MID1: variants seen among roughly 807,000 people sequenced by gnomAD.
The protein encoded by MID1 is midline 1.
A neutral mutation model predicts 40.4 loss-of-function variants in MID1; 7 were observed. That is an observed-to-expected ratio of 0.17 (90% CI 0.10 to 0.33). The LOEUF is 0.33. MID1 is among the 10% of genes least tolerant of loss of function. MID1 has a pLI of 1.00. For synonymous variants in MID1, 229 were observed against 221.2 expected, an observed-to-expected ratio of 1.04 and a Z score of -0.31; for missense variants, 367 against 558.5, an observed-to-expected ratio of 0.66 and a Z score of 3.46.
chrX:10,575,194 G>A (rs1266117806), intron 1 of MID1, among the ~76,000 whole-genome samples: 1 of 112,085 alleles, frequency 8.9e-6, no homozygotes, highest in East Asian at 2.8e-4. Flanking sequence ...AGATTTAGTT[G>A]ACTATTGCTG....
At chrX:10,532,025 T>C (rs1045838349) in intron 2 of MID1, among the ~76,000 whole-genome samples, 1 of 112,662 alleles carries the variant, frequency 8.9e-6, no homozygotes, top group African/African-American at 3.2e-5. Flanking sequence ...AATAAGTCTA[T>C]AACTTTTATC....
chrX:10,677,976 T>C (rs749908688), intron 1 of MID1, among the ~76,000 whole-genome samples: 1 of 110,244 alleles, frequency 9.1e-6, no homozygotes, highest in South Asian at 3.9e-4. Context: ...TTTGCTGGAG[T>C]AATGGGAGTA....
chrX:10,588,915 A>C (rs1293512514), intron 1 of MID1, among the ~76,000 whole-genome samples: 1 of 111,565 alleles, frequency 9.0e-6, no homozygotes, highest in East Asian at 2.8e-4. Context: ...ATTTCACACA[A>C]AGTTTTAAGT....
chrX:10,456,550 A>G (rs1488154331), intron 8 of MID1, among the ~76,000 whole-genome samples: 1 of 112,784 alleles, frequency 8.9e-6, no homozygotes, highest in African/African-American at 3.2e-5. Context: ...ATCAAAGAAA[A>G]GCTTAGGCTG....
intron 1 of MID1, among the ~76,000 whole-genome samples, chrX:10,574,175 T>C (rs1934811654): frequency 8.9e-6 from 1 of 111,934 alleles, no homozygotes; most frequent in Non-Finnish European, 1.9e-5. Flanking sequence ...ATGGATCATC[T>C]AGGTGGACCC....
chrX:10,689,962 T>G (rs1172728798), intron 1 of MID1, among the ~76,000 whole-genome samples: 1 of 108,873 alleles, frequency 9.2e-6, no homozygotes. Context: ...GAAAATAACA[T>G]GTGTAAAAAC....
At chrX:10,676,575 T>C (rs1377142147) in intron 1 of MID1, among the ~76,000 whole-genome samples, 2 of 111,936 alleles carry the variant, frequency 1.8e-5, no homozygotes, top group Admixed American at 9.5e-5. Flanking sequence ...GAGGGGACTC[T>C]GAAAGCTGAA....
intron 1 of MID1, among the ~76,000 whole-genome samples, chrX:10,671,197 G>A (rs2042985241): frequency 8.9e-6 from 1 of 111,821 alleles, no homozygotes; most frequent in Non-Finnish European, 1.9e-5. Context: ...TGTACAGGTA[G>A]CTCTCATACT....
chrX:10,551,295 G>A (rs143836402), intron 2 of MID1, among the ~76,000 whole-genome samples: 2,379 of 112,250 alleles, frequency 0.021, 27 homozygotes, highest in Non-Finnish European at 0.034. Flanking sequence ...ACGGAGGGCC[G>A]ATTGTATATG....
chrX:10,567,718 G>T, intron 1 of MID1, 115 bp from the exon 2 acceptor site: 1 of 489,934 alleles, frequency 2.0e-6, no homozygotes, highest in Non-Finnish European at 3.5e-6. Context: ...GGGTAAGTGT[G>T]TGTACATTCC....
At chrX:10,599,265 C>T (rs1412436721) in intron 1 of MID1, among the ~76,000 whole-genome samples, 6 of 112,150 alleles carry the variant, frequency 5.3e-5, no homozygotes, top group Non-Finnish European at 1.1e-4. Context: ...AGCATCTTCT[C>T]CAAGTCAAGC....
intron 1 of MID1, among the ~76,000 whole-genome samples, chrX:10,809,934 A>C (rs1174305439): frequency 9.1e-6 from 1 of 109,723 alleles, no homozygotes; most frequent in Non-Finnish European, 1.9e-5. Context: ...AATAATAAAA[A>C]TAAAATAAAA....
intron 4 of MID1, among the ~76,000 whole-genome samples, chrX:10,484,151 G>A (rs942806642): frequency 8.9e-6 from 1 of 112,269 alleles, no homozygotes; most frequent in Non-Finnish European, 1.9e-5. Flanking sequence ...CAGGATATTA[G>A]AACATGTTCA....
At chrX:10,807,220 G>C (rs2044054501) in intron 1 of MID1, among the ~76,000 whole-genome samples, 1 of 110,881 alleles carries the variant, frequency 9.0e-6, no homozygotes, top group Non-Finnish European at 1.9e-5. Context: ...ACTCCAGCCT[G>C]GGTGACAGAG....
At chrX:10,462,690 T>C (rs1929121082) in intron 7 of MID1, among the ~76,000 whole-genome samples, 2 of 111,580 alleles carry the variant, frequency 1.8e-5, no homozygotes, top group Non-Finnish European at 3.8e-5. Flanking sequence ...GTTAGAAGCA[T>C]TTCCCTACAT....
At position 10,754,316 on chromosome X, in the gene MID1, G is replaced by GTTT. The variant is rs1210089624; in HGVS notation, c.-187+79235_-187+79237dup. ...ACAAGAGAGTTTTTTTTTGTTTTTT[G>GTTT]TTTTTTGTTTTTTTTGTCATCTGTC... On this transcript the variant is annotated intron_variant, in intron 1 of 10. Transcript: ENST00000380785. 2.8e-4 allele frequency among the ~76,000 whole-genome samples: 30 copies of GTTT among 105,412 alleles called. 1 individual carries two copies. The highest frequency in any genetic ancestry group is 1.1e-3 in the African/African-American group (28 of 25,797). The allele number at this position is 105,412 out of a possible 115,157, so 91.5% of individuals were successfully genotyped here. A position where few individuals can be genotyped will look rare whatever the true frequency, so the allele number is the denominator to read the frequency against.
At chrX:10,676,057 C>T (rs941727825) in intron 1 of MID1, among the ~76,000 whole-genome samples, 16 of 111,712 alleles carry the variant, frequency 1.4e-4, no homozygotes, top group Non-Finnish European at 2.8e-4. Flanking sequence ...ACAGGTGATA[C>T]ATACAATGGC....
intron 1 of MID1, among the ~76,000 whole-genome samples, chrX:10,651,136 C>T (rs1216021681): frequency 8.9e-6 from 1 of 111,966 alleles, no homozygotes; most frequent in Non-Finnish European, 1.9e-5. Flanking sequence ...CACCTACCAT[C>T]TTACAGGACC....
intron 1 of MID1, among the ~76,000 whole-genome samples, chrX:10,805,059 G>A (rs1286319996): frequency 9.1e-6 from 1 of 110,034 alleles, no homozygotes; most frequent in Non-Finnish European, 1.9e-5. Context: ...TTTTGTTGTT[G>A]TTGTTGTTAA....
Sources: allele counts gnomAD v4.1 joint callset (sites outside exome capture counted in the v4.1 genomes callset), GRCh38; gene constraint gnomAD v4.1.1; transcripts MANE v1.5; gene names NCBI Gene and HGNC (gene_info 2026-07-23, HGNC 2026-07-21).